STMN4: variants seen among roughly 807,000 people sequenced by gnomAD.
STMN4 encodes the protein stathmin 4.
A neutral mutation model predicts 29.1 loss-of-function variants in STMN4; 12 were observed. The ratio of observed to expected loss-of-function variants is 0.41; its 90% confidence interval spans 0.26 to 0.67. The LOEUF is 0.67. Ranked by LOEUF, STMN4 falls within the 30% of genes least tolerant of loss-of-function variation. The pLI is 0.30. For synonymous variants in STMN4, 114 were observed against 105.3 expected (o/e 1.08, Z -0.51); for missense variants, 181 against 262.8 (o/e 0.69, Z 2.15).
chr8:27,237,084 G>A (rs1299494802), intron 6 of STMN4, among the ~76,000 whole-genome samples, 179 bp from the exon 7 acceptor site: 1 of 152,172 alleles, frequency 6.6e-6, no homozygotes, highest in East Asian at 1.9e-4. Context: ...AGGAGGCAGG[G>A]GGCAAGCCTA....
chr8:27,246,918 C>T, intron 1 of STMN4, among the ~76,000 whole-genome samples: 1 of 152,034 alleles, frequency 6.6e-6, no homozygotes, highest in East Asian at 1.9e-4. Context: ...GTTTTTTTCA[C>T]CTCAGGTACC....
chr8:27,239,381 G>A (rs963969040), intron 6 of STMN4: 9 of 1,329,964 alleles, frequency 6.8e-6, no homozygotes, highest in African/African-American at 4.4e-5. Context: ...TCAGCAGAAC[G>A]GGCCGGTATT....
In STMN4 at chr8:27,239,665, C is replaced by T; in HGVS notation, c.591+306G>A. 4.3e-6 allele frequency: 6 copies of T among 1,406,514 alleles called. No homozygotes were observed. In the South Asian group the frequency reaches 6.2e-5, roughly 15 times the overall value. The allele number at this position is 1,406,514 out of a possible 1,614,324, so 87.1% of individuals were successfully genotyped here. ...ATGCATACCTGCTTGTCTATCTCTACTCCTTTGTATTAGACAGGCTTCTTC... is the reference window on the plus strand; with the variant it reads ...ATGCATACCTGCTTGTCTATCTCTATTCCTTTGTATTAGACAGGCTTCTTC... On this transcript the variant is annotated intron_variant, in intron 6 of 6. Transcript: ENST00000350889.
intron 4 of STMN4, 122 bp from the exon 5 acceptor site, chr8:27,241,384 C>G: frequency 8.5e-7 from 1 of 1,173,568 alleles, no homozygotes; most frequent in Non-Finnish European, 1.2e-6. Flanking sequence ...AGACTGGGGT[C>G]TGGCTTAGTC....
chr8:27,239,607 A>T, intron 6 of STMN4: 1 of 1,149,522 alleles, frequency 8.7e-7, no homozygotes. Context: ...CTTTCCTTCC[A>T]TCAAATCAAT....
At chr8:27,241,506 C>T (rs1801471141) in intron 4 of STMN4, among the ~76,000 whole-genome samples, 171 bp downstream of exon 4, 1 of 152,168 alleles carries the variant, frequency 6.6e-6, no homozygotes, top group South Asian at 2.1e-4. Context: ...TGATTTCCTA[C>T]GACACTGGCT....
At chr8:27,239,516 TAG>T in intron 6 of STMN4, 1 of 708,238 alleles carries the variant, frequency 1.4e-6, no homozygotes, top group Non-Finnish European at 2.3e-6. Flanking sequence ...TCAAGAGGTT[TAG>T]AGAGAATCAT....
intron 1 of STMN4, among the ~76,000 whole-genome samples, chr8:27,255,331 T>C (rs1178616880): frequency 6.6e-6 from 1 of 152,186 alleles, no homozygotes; most frequent in African/African-American, 2.4e-5. Context: ...ACAAAAGCAG[T>C]TTCATTTCTC....
rs1285797740 is a variant in STMN4, at chr8:27,235,558, C to T, written c.*1288G>A. The T allele has an allele frequency of 1.3e-5, 2 of 152,304 alleles. No homozygotes were observed. Among genetic ancestry groups the T allele is most frequent in the South Asian group, 2.1e-4 (1 of 4,828 alleles). 9.4% of individuals were successfully genotyped at this position (152,304 alleles called of 1,614,324 possible). A position where few individuals can be genotyped will look rare whatever the true frequency, so the allele number is the denominator to read the frequency against. ...CTAGCAAACACTTTATTTCCTTGCT[C>T]GTATTTTCTAATCTACCTAGAATCT... On this transcript the variant is annotated 3_prime_UTR_variant, in exon 7 of 7. Transcript: ENST00000350889.
intron 1 of STMN4, among the ~76,000 whole-genome samples, chr8:27,244,125 C>A (rs968307742): frequency 6.6e-6 from 1 of 152,200 alleles, no homozygotes; most frequent in African/African-American, 2.4e-5. Context: ...GCTCAAGAAC[C>A]TGGCCCAATT....
chr8:27,250,737 G>A (rs1801758265), intron 1 of STMN4, among the ~76,000 whole-genome samples: 1 of 152,120 alleles, frequency 6.6e-6, no homozygotes, highest in Non-Finnish European at 1.5e-5. Flanking sequence ...CCTGGACAAG[G>A]GCAACTCCCA....
At chr8:27,249,333 G>A (rs1801718953) in intron 1 of STMN4, among the ~76,000 whole-genome samples, 1 of 152,210 alleles carries the variant, frequency 6.6e-6, no homozygotes, top group Non-Finnish European at 1.5e-5. Flanking sequence ...TCGACTCAGT[G>A]CAGTCTCACT....
At chr8:27,240,954 T>C in intron 5 of STMN4, 100 bp downstream of exon 5, 2 of 1,170,302 alleles carry the variant, frequency 1.7e-6, no homozygotes, top group Non-Finnish European at 2.4e-6. Context: ...ATATTGCAGA[T>C]TGGTGATGAG....
At chr8:27,251,699 G>T (rs1801791604) in intron 1 of STMN4, among the ~76,000 whole-genome samples, 1 of 151,888 alleles carries the variant, frequency 6.6e-6, no homozygotes, top group Non-Finnish European at 1.5e-5. Flanking sequence ...TTTCTTCTAG[G>T]TTTTTTCCCC....
Position 27,235,716 on chromosome 8 carries a change from C to T in STMN4, c.*1130G>A, listed in dbSNP as rs182516167. ...CTTAAGAGGTGAGATCATGAGGACTCCACCTTCATGAATGGGATTAGTGCC... is the reference window on the plus strand; with the variant it reads ...CTTAAGAGGTGAGATCATGAGGACTTCACCTTCATGAATGGGATTAGTGCC... On this transcript the variant is annotated 3_prime_UTR_variant, in exon 7 of 7. Coordinates refer to ENST00000350889, the MANE Select transcript of STMN4 (RefSeq NM_030795.4). 1 of 152,304 alleles carries T rather than the reference C, an allele frequency of 6.6e-6. No individual in the cohort carries two copies. The highest frequency in any genetic ancestry group is 1.5e-5 in the Non-Finnish European group (1 of 68,050). 9.4% of individuals were successfully genotyped at this position (152,304 alleles called of 1,614,324 possible). A position where few individuals can be genotyped will look rare whatever the true frequency, so the allele number is the denominator to read the frequency against.
intron 1 of STMN4, among the ~76,000 whole-genome samples, chr8:27,254,701 C>T (rs1801889516): frequency 8.3e-6 from 1 of 120,026 alleles, no homozygotes; most frequent in African/African-American, 3.4e-5. Flanking sequence ...AGTGGGAGCA[C>T]TCATATATGT....
At chr8:27,240,691 C>T (rs1178917131) in intron 5 of STMN4, among the ~76,000 whole-genome samples, 8 of 152,174 alleles carry the variant, frequency 5.3e-5, no homozygotes, top group African/African-American at 9.7e-5. Flanking sequence ...CCTCGAGATG[C>T]ACTACACCAT....
intron 2 of STMN4, 105 bp downstream of exon 2, chr8:27,243,606 C>T (rs1586009618): frequency 3.2e-6 from 4 of 1,245,224 alleles, no homozygotes; most frequent in African/African-American, 1.5e-5. Context: ...CCACACACCC[C>T]GTGTGCTTCC....
chr8:27,240,178 G>T lies in STMN4; in HGVS notation c.400-16C>A. 6.2e-7 allele frequency: 1 copy of T among 1,609,380 alleles called. No homozygotes were observed. The highest frequency in any genetic ancestry group is 2.2e-5 in the East Asian group (1 of 44,846). On this transcript the variant is annotated splice_polypyrimidine_tract_variant and intron_variant, in intron 5 of 6. Coordinates refer to ENST00000350889, the MANE Select transcript of STMN4 (RefSeq NM_030795.4). ...CTTCCTGGTACTGGGGAAGCATAAA[G>T]GCAGAAGGAGGCCCTTCACAGTGAG...
Sources: allele counts gnomAD v4.1 joint callset (sites outside exome capture counted in the v4.1 genomes callset), GRCh38; gene constraint gnomAD v4.1.1; transcripts MANE v1.5; gene names NCBI Gene and HGNC (gene_info 2026-07-23, HGNC 2026-07-21).